The following ROCK1 variants were observed in gnomAD, a reference collection of about 807,000 sequenced individuals.
The protein encoded by ROCK1 is rho-associated protein kinase 1.
A neutral mutation model predicts 196.8 loss-of-function variants in ROCK1; 36 were observed. The observed-to-expected ratio is 0.18, with a 90% CI of 0.14 to 0.24. The LOEUF (loss-of-function observed/expected upper bound fraction) is 0.24, where lower values mean the gene tolerates loss of function less well. Among genes scored for constraint, ROCK1 ranks in the 10% least tolerant of loss-of-function variants. The pLI, the probability that ROCK1 is intolerant of heterozygous loss-of-function variation, is 1.00. For missense variants in ROCK1, 920 were observed against 1,562.0 expected (o/e 0.59, Z 6.93); for synonymous variants, 443 against 515.9 (o/e 0.86, Z 1.91).
chr18:21,031,808 C>T (rs2036010491), intron 9 of ROCK1, among the ~76,000 whole-genome samples: 1 of 151,900 alleles, frequency 6.6e-6, no homozygotes, highest in East Asian at 1.9e-4. Flanking sequence ...AATAGAAATT[C>T]TAGCACTGAA....
At chr18:20,974,399 G>A (rs1442679527) in intron 22 of ROCK1, among the ~76,000 whole-genome samples, 1 of 152,168 alleles carries the variant, frequency 6.6e-6, no homozygotes, top group Non-Finnish European at 1.5e-5. Context: ...TCAGGTTCAC[G>A]ACATGTTCTT....
intron 1 of ROCK1, among the ~76,000 whole-genome samples, chr18:21,077,006 G>A (rs1354868195): frequency 4.3e-5 from 5 of 115,810 alleles, no homozygotes; most frequent in African/African-American, 1.3e-4. Context: ...TCGCTCTGTC[G>A]CCCAGGCCGG....
intron 22 of ROCK1, among the ~76,000 whole-genome samples, chr18:20,979,427 A>G (rs2035509670): frequency 1.3e-5 from 2 of 152,008 alleles, no homozygotes; most frequent in Admixed American, 6.6e-5. Flanking sequence ...TTTGAGACCA[A>G]CCTGACCAAC....
chr18:20,956,185 G>C lies in ROCK1; in HGVS notation c.3513-940C>G, dbSNP rs1403876634. ...GATTTTGAAGAGAGAGAGTGAAAGA[G>C]AAAGAGAGAGAAAGAGAGGGAAGGA... On this transcript the variant is annotated intron_variant, in intron 29 of 32. Transcript: ENST00000399799. Among the ~76,000 whole-genome samples, 3 of 151,678 alleles carry C rather than the reference G, an allele frequency of 2.0e-5. No homozygotes were observed. In the East Asian group the frequency reaches 5.8e-4, roughly 29 times the overall value.
intron 13 of ROCK1, among the ~76,000 whole-genome samples, chr18:21,011,422 A>G (rs143206312): frequency 4.5e-4 from 69 of 152,300 alleles, no homozygotes; most frequent in African/African-American, 1.6e-3. Flanking sequence ...CAGTTTGAGT[A>G]AAGTATAAAC....
intron 8 of ROCK1, among the ~76,000 whole-genome samples, chr18:21,041,270 T>TAAAAAAAAAAAAAAAAAA (rs780115669): frequency 9.5e-6 from 1 of 105,178 alleles, no homozygotes; most frequent in Admixed American, 9.8e-5. Flanking sequence ...TGTCTCTATT[T>TAAAAAAAAAAAAAAAAAA]AAAAAAAAAA....
intron 14 of ROCK1, among the ~76,000 whole-genome samples, chr18:21,007,707 G>A (rs552748042): frequency 6.6e-6 from 1 of 152,044 alleles, no homozygotes; most frequent in Admixed American, 6.5e-5. Context: ...GTACCTAGGG[G>A]GCTTGTAAAG....
Position 20,967,861 on chromosome 18 carries a change from C to T in ROCK1, c.3083G>A (p.Arg1028Lys), listed in dbSNP as rs1476713423. The T allele has an allele frequency of 2.9e-5, 47 of 1,607,750 alleles. No individual in the cohort carries two copies. Among genetic ancestry groups the T allele is most frequent in the Non-Finnish European group, 3.4e-5 (40 of 1,176,212 alleles). The change falls in exon 26 of 33, where the codon AGA (arginine) becomes AAA (lysine). Residue 1028 changes from arginine (R) to lysine (K), a missense_variant. Physicochemically the swap from Arg to Lys is conservative, Grantham distance 26 (BLOSUM62 2). This residue lies in a region of ROCK1 where 116 missense variants were observed against 204.2 expected (regional missense o/e 0.57). Coordinates refer to ENST00000399799, the MANE Select transcript of ROCK1 (RefSeq NM_005406.3). ...DRKKANTQDL[R>K]KKEKENRKLQ... ...CTTTCGATTTTCCTTTTCTTTCTTTCTCAAATCTTGTGTATTAGCTTTCTT... is the reference window on the plus strand; with the variant it reads ...CTTTCGATTTTCCTTTTCTTTCTTTTTCAAATCTTGTGTATTAGCTTTCTT...
chr18:20,993,007 T>C, intron 16 of ROCK1, 70 bp from the exon 17 acceptor site: 1 of 917,030 alleles, frequency 1.1e-6, no homozygotes, highest in African/African-American at 1.7e-5. Flanking sequence ...ATTGACAATT[T>C]AGTTTTTAAA....
rs914602994 is a variant in ROCK1, at chr18:20,947,731, A to G, written c.*3653T>C. On this transcript the variant is annotated 3_prime_UTR_variant, in exon 33 of 33. Coordinates refer to ENST00000399799, the MANE Select transcript of ROCK1 (RefSeq NM_005406.3). ...TTAAAAAAACCATTTCCGTTTATTC[A>G]TGTCTTTTTAAACTTCTCCAAATGT... 2 of 151,920 alleles carry G rather than the reference A, an allele frequency of 1.3e-5. No individual in the cohort carries two copies. The highest frequency in any genetic ancestry group is 2.9e-5 in the Non-Finnish European group (2 of 67,954). The allele number at this position is 151,920 out of a possible 1,614,324, so 9.4% of individuals were successfully genotyped here. A position where few individuals can be genotyped will look rare whatever the true frequency, so the allele number is the denominator to read the frequency against.
chr18:21,044,050 G>A, intron 6 of ROCK1, 52 bp downstream of exon 6: 1 of 1,064,854 alleles, frequency 9.4e-7, no homozygotes, highest in Non-Finnish European at 1.4e-6. Context: ...ATTTTCTAAA[G>A]AAGCATCTAC....
At chr18:21,018,438 G>C (rs2035883619) in intron 12 of ROCK1, among the ~76,000 whole-genome samples, 1 of 151,542 alleles carries the variant, frequency 6.6e-6, no homozygotes, top group African/African-American at 2.4e-5. Context: ...ACTGAGGCAA[G>C]AGAATCACTT....
At chr18:20,972,521 A>G (rs904691183) in intron 22 of ROCK1, among the ~76,000 whole-genome samples, 7 of 152,236 alleles carry the variant, frequency 4.6e-5, no homozygotes, top group Non-Finnish European at 7.3e-5. Context: ...TGAGCACTCC[A>G]AACTTTTAAC....
At chr18:20,998,718 C>T (rs549776888) in intron 16 of ROCK1, among the ~76,000 whole-genome samples, 85 of 151,002 alleles carry the variant, frequency 5.6e-4, no homozygotes, top group African/African-American at 2.0e-3. Flanking sequence ...GATTCTCCTG[C>T]CTCAGCCTCC....
At chr18:21,007,564 G>A (rs1598525747) in intron 14 of ROCK1, among the ~76,000 whole-genome samples, 1 of 152,094 alleles carries the variant, frequency 6.6e-6, no homozygotes, top group African/African-American at 2.4e-5. Context: ...GAGTATGTAC[G>A]TGAAATAACT....
chr18:20,949,657 C>A lies in ROCK1; in HGVS notation c.*1727G>T, dbSNP rs2035163990. 6.6e-6 allele frequency: 1 copy of A among 152,238 alleles called. No individual in the cohort carries two copies. The highest frequency in any genetic ancestry group is 2.1e-4 in the South Asian group (1 of 4,836). 9.4% of individuals were successfully genotyped at this position (152,238 alleles called of 1,614,324 possible). On this transcript the variant is annotated 3_prime_UTR_variant, in exon 33 of 33. Transcript: ENST00000399799. ...CCTGATGTGTAGAAATGCAAGAGACCCATGGAGAATTGTTTTCCAACACAC... is the reference window on the plus strand; with the variant it reads ...CCTGATGTGTAGAAATGCAAGAGACACATGGAGAATTGTTTTCCAACACAC...
At chr18:20,973,883 C>A (rs1465815764) in intron 22 of ROCK1, among the ~76,000 whole-genome samples, 1 of 149,602 alleles carries the variant, frequency 6.7e-6, no homozygotes, top group Non-Finnish European at 1.5e-5. Context: ...CGGGTTCACG[C>A]CATTCTCCTG....
chr18:21,031,768 A>T (rs567362544), intron 9 of ROCK1, among the ~76,000 whole-genome samples: 1 of 152,116 alleles, frequency 6.6e-6, no homozygotes, highest in Non-Finnish European at 1.5e-5. Context: ...CAAAGAAAAA[A>T]TATCATGAAA....
intron 9 of ROCK1, among the ~76,000 whole-genome samples, chr18:21,036,371 C>A (rs1365177611): frequency 6.6e-6 from 1 of 152,162 alleles, no homozygotes; most frequent in Non-Finnish European, 1.5e-5. Flanking sequence ...GATTAAGTAA[C>A]ACCAATATCT....
Sources: allele counts gnomAD v4.1 joint callset (sites outside exome capture counted in the v4.1 genomes callset), GRCh38; gene constraint gnomAD v4.1.1; regional missense constraint gnomAD v4.1.1; transcripts MANE v1.5; gene names NCBI Gene and HGNC (gene_info 2026-07-23, HGNC 2026-07-21).